Variants in SORBS2 observed in about 807,000 individuals in gnomAD.
SORBS2 encodes the protein sorbin and SH3 domain-containing protein 2.
Under a neutral mutation model 97.7 loss-of-function variants are expected in SORBS2, and 46 were observed. The observed-to-expected ratio is 0.47, with a 90% CI of 0.37 to 0.60. SORBS2 has a LOEUF of 0.60. Ranked by LOEUF, SORBS2 falls within the 20% of genes least tolerant of loss-of-function variation. SORBS2 has a pLI of 0.00. For missense variants in SORBS2, 1,316 were observed against 1,282.3 expected, an observed-to-expected ratio of 1.03 and a Z score of -0.40; for synonymous variants, 476 against 473.4, an observed-to-expected ratio of 1.01 and a Z score of -0.07.
At position 185,761,161 on chromosome 4, in the gene SORBS2, TA is replaced by T. The variant is rs1354003412; in HGVS notation, c.-198+14065del. Among the ~76,000 whole-genome samples, 5 of 152,350 alleles carry T rather than the reference TA, an allele frequency of 3.3e-5. No individual in the cohort carries two copies. In the East Asian group the frequency reaches 7.7e-4, roughly 23 times the overall value. ...ATGCCCCAAAGCAAACACCTGAACA[TA>T]TGTTAAAATACTTGAATTCATAGCT... On this transcript the variant is annotated intron_variant, in intron 2 of 20. Transcript: ENST00000284776.
chr4:185,614,606 G>T, intron 11 of SORBS2: 1 of 504,490 alleles, frequency 2.0e-6, no homozygotes, highest in Non-Finnish European at 3.4e-6. Context: ...AGCCACAGAG[G>T]GAGAAGCCTG....
At chr4:185,793,197 T>G (rs975446933) in intron 1 of SORBS2, among the ~76,000 whole-genome samples, 2 of 152,234 alleles carry the variant, frequency 1.3e-5, no homozygotes, top group African/African-American at 4.8e-5. Flanking sequence ...ATTAAGCAGG[T>G]AAATCCAAAT....
intron 1 of SORBS2, among the ~76,000 whole-genome samples, chr4:185,902,228 A>AAG (rs1468537836): frequency 7.2e-5 from 11 of 152,196 alleles, no homozygotes; most frequent in Non-Finnish European, 1.6e-4. Flanking sequence ...TACTTTTTTA[A>AAG]AGTTCAGTTT....
At chr4:185,822,750 A>C (rs2099197514) in intron 1 of SORBS2, among the ~76,000 whole-genome samples, 1 of 152,190 alleles carries the variant, frequency 6.6e-6, no homozygotes, top group Admixed American at 6.5e-5. Context: ...AGGCAAAACA[A>C]GGTTGGGAGA....
intron 2 of SORBS2, among the ~76,000 whole-genome samples, chr4:185,702,820 T>C (rs573541214): frequency 5.1e-4 from 77 of 152,294 alleles, no homozygotes; most frequent in African/African-American, 1.7e-3. Context: ...CTTTTATGGT[T>C]TGAAATTTTG....
chr4:185,856,705 A>G (rs1015582966), intron 1 of SORBS2, among the ~76,000 whole-genome samples: 6 of 152,174 alleles, frequency 3.9e-5, no homozygotes, highest in African/African-American at 7.2e-5. Context: ...GAAGTATATT[A>G]GTTCATTCTC....
chr4:185,751,231 T>C (rs531098869), intron 2 of SORBS2, among the ~76,000 whole-genome samples: 2 of 132,532 alleles, frequency 1.5e-5, no homozygotes, highest in African/African-American at 5.7e-5. Context: ...CAGGTAGGAT[T>C]GAGGTAAAGG....
intron 2 of SORBS2, among the ~76,000 whole-genome samples, chr4:185,705,785 G>A (rs1021258527): frequency 2.0e-5 from 3 of 152,086 alleles, no homozygotes; most frequent in Admixed American, 1.3e-4. Context: ...TTAGACAAAG[G>A]GGCTTGAGGA....
intron 13 of SORBS2, among the ~76,000 whole-genome samples, chr4:185,590,066 A>T (rs1250057914): frequency 6.6e-6 from 1 of 152,238 alleles, no homozygotes; most frequent in Non-Finnish European, 1.5e-5. Context: ...CATAAATTGG[A>T]TTAAAATATG....
chr4:185,644,747 T>G (rs186819197), intron 4 of SORBS2, among the ~76,000 whole-genome samples: 1 of 152,338 alleles, frequency 6.6e-6, no homozygotes, highest in Admixed American at 6.5e-5. Context: ...AATAAAGATT[T>G]ACAATGATTG....
chr4:185,689,926 G>A (rs1163840542), intron 2 of SORBS2, among the ~76,000 whole-genome samples: 1 of 152,156 alleles, frequency 6.6e-6, no homozygotes, highest in Admixed American at 6.5e-5. Flanking sequence ...CAAGGTGGGG[G>A]GAAGGCAAAA....
At chr4:185,894,992 G>A (rs2099244322) in intron 1 of SORBS2, among the ~76,000 whole-genome samples, 1 of 152,210 alleles carries the variant, frequency 6.6e-6, no homozygotes, top group African/African-American at 2.4e-5. Flanking sequence ...TGTATGGCCA[G>A]GCATCAGTGT....
At chr4:185,856,045 C>T (rs2099220457) in intron 1 of SORBS2, among the ~76,000 whole-genome samples, 1 of 152,174 alleles carries the variant, frequency 6.6e-6, no homozygotes, top group African/African-American at 2.4e-5. Flanking sequence ...ATTTTCCACT[C>T]AAATTTAGCT....
chr4:185,606,854 C>G lies in SORBS2; in HGVS notation c.2796+4926G>C. Reference sequence around the variant, plus strand: ...ACCGGAAGGGGTACAGGCAAGGAACCCACGCTGGTGCACGCAGAGGCCACA... The same window carrying G: ...ACCGGAAGGGGTACAGGCAAGGAACGCACGCTGGTGCACGCAGAGGCCACA... On this transcript the variant is annotated intron_variant, in intron 12 of 14. Transcript: ENST00000418609. This position sits in a 1 kb window ranked among gnomAD's most constrained non-coding sequence, Gnocchi z 4.3. 2 of 985,358 alleles carry G rather than the reference C, an allele frequency of 2.0e-6. No individual in the cohort carries two copies. Among genetic ancestry groups the G allele is most frequent in the Non-Finnish European group, 2.4e-6 (2 of 829,926 alleles). The allele number at this position is 985,358 out of a possible 1,614,324, so 61.0% of individuals were successfully genotyped here. A position where few individuals can be genotyped will look rare whatever the true frequency, so the allele number is the denominator to read the frequency against.
intron 1 of SORBS2, among the ~76,000 whole-genome samples, chr4:185,942,647 C>T (rs1271887564): frequency 2.0e-5 from 3 of 152,154 alleles, no homozygotes; most frequent in Non-Finnish European, 4.4e-5. Flanking sequence ...CCGCGCATGG[C>T]CCCATATTTT....
At chr4:185,818,697 G>T (rs922611072) in intron 1 of SORBS2, among the ~76,000 whole-genome samples, 1 of 151,818 alleles carries the variant, frequency 6.6e-6, no homozygotes, top group Non-Finnish European at 1.5e-5. Flanking sequence ...CTGGTGGTGG[G>T]CGCCTGTAGT....
upstream of SORBS2, chr4:185,657,631 G>A (rs752888823): frequency 1.2e-5 from 19 of 1,561,962 alleles, no homozygotes; most frequent in Non-Finnish European, 1.6e-5. Flanking sequence ...GAACGTATTC[G>A]TTGCACAGGG....
At chr4:185,682,280 G>A (rs1435585436) in intron 2 of SORBS2, among the ~76,000 whole-genome samples, 1 of 152,208 alleles carries the variant, frequency 6.6e-6, no homozygotes, top group Non-Finnish European at 1.5e-5. Flanking sequence ...TGGCGGAGTG[G>A]TCCCCATACT....
chr4:185,770,345 A>G (rs890482910), intron 2 of SORBS2, among the ~76,000 whole-genome samples: 2 of 152,160 alleles, frequency 1.3e-5, no homozygotes, highest in African/African-American at 4.8e-5. Context: ...TAGTCCTTCA[A>G]TTAGCCCATC....
Sources: gnomAD v4.1 joint callset for allele counts (sites outside exome capture counted in the v4.1 genomes callset) on GRCh38, gnomAD v4.1.1 for gene constraint, Gnocchi (gnomAD v3.1) non-coding constraint, MANE v1.5 for transcripts, NCBI Gene and HGNC (gene_info 2026-07-23, HGNC 2026-07-21) for gene names.